The following ASAP1 variants were observed in gnomAD, a reference collection of about 807,000 sequenced individuals.
ASAP1 encodes arf-GAP with SH3 domain, ANK repeat and PH domain-containing protein 1.
Under a neutral mutation model 145.2 loss-of-function variants are expected in ASAP1, and 43 were observed. That is an observed-to-expected ratio of 0.30 (90% CI 0.23 to 0.38). ASAP1 has a LOEUF of 0.38. Among genes scored for constraint, ASAP1 ranks in the 10% least tolerant of loss-of-function variants. ASAP1 has a pLI of 1.00. For synonymous variants in ASAP1, 546 were observed against 515.5 expected (o/e 1.06, Z -0.80); for missense variants, 1,018 against 1,355.3 (o/e 0.75, Z 3.91).
intron 13 of ASAP1, among the ~76,000 whole-genome samples, chr8:130,137,733 T>C (rs1276512153): frequency 1.3e-5 from 2 of 152,210 alleles, no homozygotes; most frequent in African/African-American, 4.8e-5. Context: ...ATATAACTTA[T>C]CAGCAAATCT....
intron 23 of ASAP1, among the ~76,000 whole-genome samples, chr8:130,114,766 TTAA>T (rs1021054377): frequency 6.7e-5 from 9 of 134,348 alleles, no homozygotes; most frequent in African/African-American, 2.2e-4. Context: ...GTTTTGAAGG[TTAA>T]TTTTTTTTTT....
rs73427426 is a variant in ASAP1 at position 130,424,508 on chromosome 8, G to A, written c.-28+18952C>T. The stretch of plus-strand genomic sequence containing the variant: ...GCCCAGAGGCTACCTTGTAGGCTCA[G>A]CGTTTGTTTTTGTTTTTTTTAAACA... On this transcript the variant is annotated intron_variant, in intron 1 of 29. Transcript: ENST00000518721. Among the ~76,000 whole-genome samples, 533 of 152,322 alleles carry A rather than the reference G, an allele frequency of 3.5e-3. 3 individuals carry two copies. The highest frequency in any genetic ancestry group is 0.012 in the African/African-American group (516 of 41,566).
In ASAP1 at chr8:130,053,688, T is replaced by A. The variant is rs2097397732; in HGVS notation, c.*1043A>T. 1 of 152,234 alleles carries A rather than the reference T, an allele frequency of 6.6e-6. No homozygotes were observed. The highest frequency in any genetic ancestry group is 1.5e-5 in the Non-Finnish European group (1 of 68,044). 9.4% of individuals were successfully genotyped at this position (152,234 alleles called of 1,614,324 possible). ...ATAATCTTTTAAAAGTTTAAATTTG[T>A]CCAAGAACAAAACTAAGAAAATAAT... is the stretch of plus-strand genomic sequence containing the variant. On this transcript the variant is annotated 3_prime_UTR_variant, in exon 30 of 30. Transcript: ENST00000518721.
chr8:130,276,472 A>G (rs1423218731), intron 3 of ASAP1, among the ~76,000 whole-genome samples: 1 of 152,194 alleles, frequency 6.6e-6, no homozygotes. Context: ...ACGAAGAACC[A>G]GCTTGCTAAG....
At chr8:130,194,685 TAA>T (rs896838180) in intron 5 of ASAP1, among the ~76,000 whole-genome samples, 2 of 152,234 alleles carry the variant, frequency 1.3e-5, no homozygotes, top group African/African-American at 2.4e-5. Context: ...TAGATTCTCA[TAA>T]AGAGTGTTCA....
chr8:130,262,935 T>C (rs1372659928), intron 3 of ASAP1, among the ~76,000 whole-genome samples: 1 of 152,196 alleles, frequency 6.6e-6, no homozygotes, highest in Non-Finnish European at 1.5e-5. Flanking sequence ...AGATCTGCCC[T>C]GGACCAAGAG....
chr8:130,189,562 A>G (rs900871757), intron 5 of ASAP1, among the ~76,000 whole-genome samples: 3 of 152,184 alleles, frequency 2.0e-5, no homozygotes, highest in Non-Finnish European at 4.4e-5. Context: ...CTGTTGATGG[A>G]CACTTAGGTT....
At chr8:130,414,311 G>A (rs1426739855) in intron 1 of ASAP1, among the ~76,000 whole-genome samples, 1 of 152,218 alleles carries the variant, frequency 6.6e-6, no homozygotes, top group African/African-American at 2.4e-5. Flanking sequence ...AAGCCATTAA[G>A]TCTGTGCTTC....
At chr8:130,168,971 T>C (rs751032064) in intron 10 of ASAP1, 21 bp downstream of exon 10, 2 of 1,397,340 alleles carry the variant, frequency 1.4e-6, no homozygotes, top group Non-Finnish European at 2.0e-6. Flanking sequence ...TTAAACTGCA[T>C]GTATTTTATA....
intron 25 of ASAP1, chr8:130,084,809 G>C (rs1032858438): frequency 3.4e-5 from 4 of 117,724 alleles, no homozygotes; most frequent in African/African-American, 1.7e-4. Context: ...AAAAACAAAG[G>C]AAAAGAAAAG....
At position 130,208,020 on chromosome 8, in the gene ASAP1, T is replaced by C. The variant is rs151161166; in HGVS notation, c.405+6536A>G. Among the ~76,000 whole-genome samples the C allele has an allele frequency of 4.6e-5, 7 of 152,342 alleles. No homozygotes were observed. In the East Asian group the frequency reaches 1.2e-3, roughly 25 times the overall value. On this transcript the variant is annotated intron_variant, in intron 5 of 29. Transcript: ENST00000518721. ...GCTGAAATTTTTATGTAACAATGTA[T>C]ACTAAACACTTTCCCCTACTTTTCT...
At chr8:130,392,356 C>T (rs6995074) in intron 2 of ASAP1, among the ~76,000 whole-genome samples, 82,573 of 152,070 alleles carry the variant, frequency 0.54, 23,093 homozygotes, top group African/African-American at 0.69. Context: ...AGACATCTAA[C>T]AGGGAAAAGG....
chr8:130,161,377 G>C (rs1209062486), intron 11 of ASAP1, among the ~76,000 whole-genome samples: 1 of 152,184 alleles, frequency 6.6e-6, no homozygotes, highest in Non-Finnish European at 1.5e-5. Context: ...TTTGGGCCAA[G>C]TAATGTATGT....
intron 3 of ASAP1, among the ~76,000 whole-genome samples, chr8:130,251,453 T>C (rs1819194804): frequency 6.6e-6 from 1 of 151,958 alleles, no homozygotes; most frequent in African/African-American, 2.4e-5. Context: ...AATAAATTAA[T>C]TTTAAAAAAC....
intron 3 of ASAP1, among the ~76,000 whole-genome samples, chr8:130,237,928 A>G (rs966993747): frequency 1.3e-5 from 2 of 152,106 alleles, no homozygotes; most frequent in African/African-American, 2.4e-5. Flanking sequence ...CAAGATTTGG[A>G]AGGCATGAGC....
chr8:130,156,809 A>C (rs1433485661), intron 12 of ASAP1, among the ~76,000 whole-genome samples: 3 of 152,210 alleles, frequency 2.0e-5, no homozygotes, highest in Non-Finnish European at 4.4e-5. Context: ...GCAGGCATAC[A>C]CAGGTGCTCT....
chr8:130,111,236 A>AAG, intron 24 of ASAP1, among the ~76,000 whole-genome samples: 1 of 148,232 alleles, frequency 6.7e-6, no homozygotes, highest in South Asian at 2.1e-4. Flanking sequence ...AAAAAAAAAA[A>AAG]GCTGGGCATG....
chr8:130,329,979 T>G (rs939683420), intron 3 of ASAP1, among the ~76,000 whole-genome samples: 27 of 152,194 alleles, frequency 1.8e-4, no homozygotes, highest in African/African-American at 6.3e-4. Flanking sequence ...GGGAGGGATG[T>G]TTGATGTTAC....
At position 130,358,337 on chromosome 8, in the gene ASAP1, CGCTGGCGGG is replaced by C. The variant is rs1826477642; in HGVS notation, c.60-203_60-195del. On this transcript the variant is annotated intron_variant, in intron 2 of 29. Transcript: ENST00000518721. This position sits in a 1 kb window ranked among gnomAD's most constrained non-coding sequence, Gnocchi z 4.1. The stretch of plus-strand genomic sequence containing the variant: ...GGCGGGCGAAGGCAGGCGGCGGCGG[CGCTGGCGGG>C]GCTCGGCGCGGGGCCCTTCAAACTC... Among the ~76,000 whole-genome samples the C allele has an allele frequency of 6.7e-6, 1 of 148,862 alleles. No individual in the cohort carries two copies. Among genetic ancestry groups the C allele is most frequent in the Non-Finnish European group, 1.5e-5 (1 of 66,696 alleles).
Sources: gnomAD v4.1 joint callset for allele counts (sites outside exome capture counted in the v4.1 genomes callset) on GRCh38, gnomAD v4.1.1 for gene constraint, Gnocchi (gnomAD v3.1) non-coding constraint, MANE v1.5 for transcripts, NCBI Gene and HGNC (gene_info 2026-07-23, HGNC 2026-07-21) for gene names.